The following LRP1B variants were observed in gnomAD, a reference collection of about 807,000 sequenced individuals.
LRP1B encodes LDL receptor related protein 1B.
LRP1B carries 217 observed loss-of-function variants against 556.6 expected under a neutral mutation model. The observed-to-expected ratio is 0.39, with a 90% CI of 0.35 to 0.44. The LOEUF is 0.44. Among genes scored for constraint, LRP1B ranks in the 20% least tolerant of loss-of-function variants. The pLI is 1.00. For synonymous variants in LRP1B, 2,047 were observed against 1,865.8 expected (o/e 1.10, Z -2.50); for missense variants, 5,053 against 5,620.8 (o/e 0.90, Z 3.23).
chr2:140,562,239 C>T (rs976568875), intron 43 of LRP1B, among the ~76,000 whole-genome samples: 9 of 152,084 alleles, frequency 5.9e-5, no homozygotes, highest in Non-Finnish European at 1.2e-4. Context: ...TAAAAGACAG[C>T]TGCAGATATT....
intron 35 of LRP1B, among the ~76,000 whole-genome samples, chr2:140,746,899 T>A (rs1337265045): frequency 1.3e-5 from 2 of 152,088 alleles, no homozygotes; most frequent in Non-Finnish European, 2.9e-5. Flanking sequence ...AAATGCGTAC[T>A]ACTTCCTTTC....
intron 7 of LRP1B, among the ~76,000 whole-genome samples, chr2:141,167,603 A>G (rs1260068587): frequency 6.6e-6 from 1 of 151,906 alleles, no homozygotes; most frequent in Non-Finnish European, 1.5e-5. Context: ...TATAGGTGAT[A>G]TATATATCAT....
At chr2:140,337,753 C>G (rs1681170705) in intron 77 of LRP1B, among the ~76,000 whole-genome samples, 1 of 151,750 alleles carries the variant, frequency 6.6e-6, no homozygotes, top group Non-Finnish European at 1.5e-5. Context: ...AATGTTTACA[C>G]CTTATTTTCA....
At chr2:141,907,963 G>A (rs1387309686) in intron 1 of LRP1B, among the ~76,000 whole-genome samples, 1 of 151,822 alleles carries the variant, frequency 6.6e-6, no homozygotes, top group Admixed American at 6.6e-5. Flanking sequence ...CACCTGTTAG[G>A]TACCTAATTG....
At chr2:142,118,476 C>A (rs954015503) in intron 1 of LRP1B, among the ~76,000 whole-genome samples, 1 of 152,126 alleles carries the variant, frequency 6.6e-6, no homozygotes. Flanking sequence ...TCTGTTCCAA[C>A]GGGTCAACAT....
At chr2:140,992,853 A>G (rs1003954608) in intron 16 of LRP1B, among the ~76,000 whole-genome samples, 1 of 152,054 alleles carries the variant, frequency 6.6e-6, no homozygotes, top group Non-Finnish European at 1.5e-5. Flanking sequence ...ACTTTGCAGG[A>G]CAGATATTAA....
At chr2:141,768,458 G>A (rs1558862896) in intron 2 of LRP1B, among the ~76,000 whole-genome samples, 1 of 151,998 alleles carries the variant, frequency 6.6e-6, no homozygotes, top group African/African-American at 2.4e-5. Context: ...GTTTTAAAGG[G>A]TTTTTTAATT....
In LRP1B at chr2:141,005,383, C is replaced by T. The variant is rs1213384956; in HGVS notation, c.2455G>A (p.Ala819Thr). The change falls in exon 15 of 91, where the codon GCT becomes ACT. Residue 819 changes from alanine to threonine, a missense_variant. By Grantham distance (58) the Ala-to-Thr change is moderately conservative (BLOSUM62 0). Coordinates refer to ENST00000389484, the MANE Select transcript of LRP1B (RefSeq NM_018557.3). ...TCCAAAAGTTGATTATCGGCACAAGCACACACCCGGCCTCCTGGGATAGCC... is the reference window on the plus strand; with the variant it reads ...TCCAAAAGTTGATTATCGGCACAAGTACACACCCGGCCTCCTGGGATAGCC... ...CLAIPGGRVC[A>T]CADNQLLDEN... 1 of 1,611,040 alleles carries T rather than the reference C, an allele frequency of 6.2e-7. No individual in the cohort carries two copies.
intron 2 of LRP1B, among the ~76,000 whole-genome samples, chr2:141,547,310 C>T (rs188935263): frequency 1.1e-3 from 160 of 152,236 alleles, no homozygotes; most frequent in Non-Finnish European, 1.9e-3. Context: ...TGCTTTGGTG[C>T]CAGTTCTCTG....
In LRP1B at chr2:141,013,518, T is replaced by C. The variant is rs559270509; in HGVS notation, c.2380+38A>G. ...ATAACTTCTGTGAAGTATTATTATA[T>C]GTGAATCTCAGAAGCATTTTAATTT... On this transcript the variant is annotated intron_variant, in intron 14 of 90. Coordinates refer to ENST00000389484, the MANE Select transcript of LRP1B (RefSeq NM_018557.3). The C allele has an allele frequency of 3.4e-6, 5 of 1,480,220 alleles. No individual in the cohort carries two copies. The South Asian group carries it at 5.1e-5, about 15-fold the overall frequency. The allele number at this position is 1,480,220 out of a possible 1,614,324, so 91.7% of individuals were successfully genotyped here. A position where few individuals can be genotyped will look rare whatever the true frequency, so the allele number is the denominator to read the frequency against.
At chr2:141,477,296 TG>T (rs201234640) in intron 3 of LRP1B, among the ~76,000 whole-genome samples, 7 of 75,356 alleles carry the variant, frequency 9.3e-5, no homozygotes, top group East Asian at 3.2e-4. Flanking sequence ...AGAATTGTTC[TG>T]GAAAAAAAAA....
intron 3 of LRP1B, among the ~76,000 whole-genome samples, chr2:141,385,541 G>T (rs1278133952): frequency 2.0e-5 from 3 of 151,994 alleles, no homozygotes; most frequent in Non-Finnish European, 2.9e-5. Context: ...CAGAACAAGA[G>T]CAGCATGCAT....
At chr2:141,311,726 C>T (rs1011182834) in intron 3 of LRP1B, among the ~76,000 whole-genome samples, 2 of 152,180 alleles carry the variant, frequency 1.3e-5, no homozygotes, top group Non-Finnish European at 2.9e-5. Flanking sequence ...TATGATACAG[C>T]AAGGCCTTCA....
At chr2:141,167,731 T>C (rs562764927) in intron 7 of LRP1B, among the ~76,000 whole-genome samples, 1 of 152,102 alleles carries the variant, frequency 6.6e-6, no homozygotes, top group East Asian at 1.9e-4. Flanking sequence ...ATTTGATGTC[T>C]CATATTCGAG....
At chr2:142,104,698 A>G (rs1256939654) in intron 1 of LRP1B, among the ~76,000 whole-genome samples, 5 of 152,140 alleles carry the variant, frequency 3.3e-5, no homozygotes, top group Admixed American at 6.6e-5. Flanking sequence ...AGCTCACCAG[A>G]GTTACTTTAC....
At chr2:140,953,047 A>C (rs184989073) in intron 18 of LRP1B, among the ~76,000 whole-genome samples, 22 of 152,176 alleles carry the variant, frequency 1.4e-4, no homozygotes, top group African/African-American at 5.3e-4. Flanking sequence ...GATAGAAAAA[A>C]CTGATATACT....
chr2:141,474,045 T>TTCC (rs1478826358), intron 3 of LRP1B, among the ~76,000 whole-genome samples: 55 of 111,950 alleles, frequency 4.9e-4, no homozygotes, highest in African/African-American at 2.1e-3. Context: ...CCTTCCTTCC[T>TTCC]TTCCTTCCTT....
chr2:140,739,989 CAGG>C (rs1688083037), intron 35 of LRP1B, among the ~76,000 whole-genome samples: 1 of 152,098 alleles, frequency 6.6e-6, no homozygotes, highest in African/African-American at 2.4e-5. Flanking sequence ...CTTTCTCCTT[CAGG>C]AGTAGTCATA....
In LRP1B at chr2:141,480,526, C is replaced by T. The variant is rs2105090418; in HGVS notation, c.213G>A (p.Glu71=). The change falls in exon 3 of 91, where the codon GAG becomes GAA. Residue 71 remains glutamate (E), a synonymous_variant. Transcript: ENST00000389484. ...DSDESLDTCP[E]EVEIKCPLNH... is the part of the protein sequence containing the mutation. ...TCAAGGGGCACTTGATTTCTACCTC[C>T]TCGGGACCTGAAAAGATGTAAAAAA... 1 of 1,613,762 alleles carries T rather than the reference C, an allele frequency of 6.2e-7. No homozygotes were observed. The highest frequency in any genetic ancestry group is 8.5e-7 in the Non-Finnish European group (1 of 1,179,840).
Sources: gnomAD v4.1 joint callset for allele counts (sites outside exome capture counted in the v4.1 genomes callset) on GRCh38, gnomAD v4.1.1 for gene constraint, MANE v1.5 for transcripts, NCBI Gene and HGNC (gene_info 2026-07-23, HGNC 2026-07-21) for gene names.